PIWIL1: variants seen among roughly 807,000 people sequenced by gnomAD.
PIWIL1 encodes the protein piwi-like protein 1.
PIWIL1 carries 73 observed loss-of-function variants against 114.4 expected under a neutral mutation model. That is an observed-to-expected ratio of 0.64 (90% CI 0.53 to 0.78). The LOEUF (loss-of-function observed/expected upper bound fraction) is 0.78. Among genes scored for constraint, PIWIL1 ranks in the 30% least tolerant of loss-of-function variants. The pLI is 0.00. For missense variants in PIWIL1, 723 were observed against 1,063.1 expected (o/e 0.68, Z 4.45); for synonymous variants, 375 against 369.0 (o/e 1.02, Z -0.19).
chr12:130,401,746 A>G, the PIWIL1 span, among the ~76,000 whole-genome samples: 1 of 152,108 alleles, frequency 6.6e-6, no homozygotes, highest in African/African-American at 2.4e-5. Flanking sequence ...GAAGACACTC[A>G]AAAGTTATAA....
chr12:130,384,508 T>A, the PIWIL1 span, among the ~76,000 whole-genome samples: 1 of 152,192 alleles, frequency 6.6e-6, no homozygotes, highest in South Asian at 2.1e-4. Flanking sequence ...TACAAAATGA[T>A]GTTCACCCAT....
intron 19 of PIWIL1, among the ~76,000 whole-genome samples, chr12:130,368,682 G>A (rs551147908): frequency 4.6e-4 from 70 of 152,196 alleles, no homozygotes; most frequent in South Asian, 2.1e-3. Flanking sequence ...TATTCAAAAC[G>A]ACCCCCGATG....
chr12:130,392,041 TATTGAATGTTGTGATG>T, the PIWIL1 span, among the ~76,000 whole-genome samples: 1 of 150,722 alleles, frequency 6.6e-6, no homozygotes, highest in African/African-American at 2.4e-5. Context: ...ACCTGGTGAA[TATTGAATGTTGTGATG>T]ACCCGGTCAC....
the PIWIL1 span, chr12:130,422,520 C>T: frequency 6.2e-7 from 1 of 1,612,734 alleles, no homozygotes; most frequent in Non-Finnish European, 8.5e-7. This position sits in a 1 kb window ranked among gnomAD's most constrained non-coding sequence, Gnocchi z 5.2. Context: ...ACCTCCGGCC[C>T]ATGTGATCCA....
chr12:130,354,393 T>C (rs1170822096), intron 9 of PIWIL1, 144 bp from the exon 10 acceptor site: 1 of 1,062,484 alleles, frequency 9.4e-7, no homozygotes, highest in Non-Finnish European at 1.4e-6. Context: ...AAAAATGCCT[T>C]TTTAAAACTT....
chr12:130,424,156 C>G, the PIWIL1 span: 193 of 1,231,562 alleles, frequency 1.6e-4, 1 homozygote, highest in Admixed American at 1.6e-3. The surrounding 1 kb of genome is among the most constrained non-coding windows in gnomAD (Gnocchi z 9.8). Flanking sequence ...GGGCCTTGTG[C>G]GACTCTGGGA....
chr12:130,367,961 C>G (rs904464262), intron 19 of PIWIL1, among the ~76,000 whole-genome samples: 1 of 152,168 alleles, frequency 6.6e-6, no homozygotes, highest in Admixed American at 6.5e-5. Flanking sequence ...CCATGCCGAG[C>G]TAATTTTTGT....
At chr12:130,414,035 TA>T in the PIWIL1 span, 1 of 1,379,334 alleles carries the variant, frequency 7.2e-7, no homozygotes, top group Non-Finnish European at 1.0e-6. Flanking sequence ...AGGCCATCTC[TA>T]AGTCGATACC....
chr12:130,418,981 TG>T, the PIWIL1 span, among the ~76,000 whole-genome samples: 1 of 151,992 alleles, frequency 6.6e-6, no homozygotes, highest in South Asian at 2.1e-4. Flanking sequence ...AAGACAGGTG[TG>T]GGGTAGAGGT....
the PIWIL1 span, among the ~76,000 whole-genome samples, chr12:130,407,454 G>A: frequency 6.6e-6 from 1 of 152,194 alleles, no homozygotes; most frequent in Non-Finnish European, 1.5e-5. Context: ...ATTAGATGTG[G>A]ATGACAGATT....
At chr12:130,406,984 C>T in the PIWIL1 span, among the ~76,000 whole-genome samples, 1 of 152,172 alleles carries the variant, frequency 6.6e-6, no homozygotes, top group Non-Finnish European at 1.5e-5. Context: ...CGGGCTGCAG[C>T]CCCAAAGCAG....
At chr12:130,381,380 T>C in the PIWIL1 span, among the ~76,000 whole-genome samples, 2 of 152,324 alleles carry the variant, frequency 1.3e-5, no homozygotes, top group Admixed American at 6.5e-5. Context: ...ACTGTCTCCA[T>C]AGTTTTGCCT....
chr12:130,349,445 G>A lies in PIWIL1; in HGVS notation c.932+9G>A. ...TTAGTTGTTCTTACCAAGTAAGACT[G>A]CTTTTTAAAGTGCACAATAATTTTT... On this transcript the variant is annotated intron_variant, in intron 8 of 20. Coordinates refer to ENST00000245255, the MANE Select transcript of PIWIL1 (RefSeq NM_004764.5). The A allele has an allele frequency of 6.4e-7, 1 of 1,560,654 alleles. No homozygotes were observed. The highest frequency in any genetic ancestry group is 8.8e-7 in the Non-Finnish European group (1 of 1,133,576).
chr12:130,361,056 TA>T lies in PIWIL1; in HGVS notation c.1666-123del, dbSNP rs1354718257. On this transcript the variant is annotated intron_variant, in intron 14 of 20. Coordinates refer to ENST00000245255, the MANE Select transcript of PIWIL1 (RefSeq NM_004764.5). ...TGATTAGCTGTGTGGCTGAAATGAATAGTAAAATAAATGATCATGTTCTTGA... is the reference window on the plus strand; with the variant it reads ...TGATTAGCTGTGTGGCTGAAATGAATGTAAAATAAATGATCATGTTCTTGA... 22 of 754,234 alleles carry T rather than the reference TA, an allele frequency of 2.9e-5. No individual in the cohort carries two copies. The African/African-American group carries it at 3.0e-4, about 10-fold the overall frequency. The allele number at this position is 754,234 out of a possible 1,614,324, so 46.7% of individuals were successfully genotyped here.
At position 130,363,037 on chromosome 12, in the gene PIWIL1, G is replaced by T. The variant is rs2136182181; in HGVS notation, c.2088G>T (p.Arg696=). 1.2e-6 allele frequency: 2 copies of T among 1,614,232 alleles called. No homozygotes were observed. The highest frequency in any genetic ancestry group is 1.7e-6 in the Non-Finnish European group (2 of 1,180,050). ...WNSCNEYMPS[R]IIVYRDGVGD... The stretch of plus-strand genomic sequence containing the variant: ...GCTGCAATGAGTACATGCCCAGCCG[G>T]ATCATCGTGTACCGCGATGGCGTAG... The change falls in exon 18 of 21, where the codon CGG becomes CGT. Residue 696 remains arginine (R), a synonymous_variant. Transcript: ENST00000245255.
chr12:130,385,213 C>T, the PIWIL1 span, among the ~76,000 whole-genome samples: 1 of 152,346 alleles, frequency 6.6e-6, no homozygotes, highest in South Asian at 2.1e-4. Flanking sequence ...AGCCTGTCCA[C>T]AGTGCTGCAG....
At position 130,355,652 on chromosome 12, in the gene PIWIL1, C is replaced by T. The variant is rs1369757704; in HGVS notation, c.1389C>T (p.His463=). Residue 463 remains histidine, a synonymous_variant, in exon 12 of 21, where the codon CAC becomes CAT. Coordinates refer to ENST00000245255, the MANE Select transcript of PIWIL1 (RefSeq NM_004764.5). ...GAATTTTGCAAACAGAAAAGATTCA[C>T]CAAGGTGGAAAAACAGTAAGGCAGT... ...SGRILQTEKI[H]QGGKTFDYNP... 5 of 1,612,354 alleles carry T rather than the reference C, an allele frequency of 3.1e-6. No homozygotes were observed. The highest frequency in any genetic ancestry group is 4.2e-6 in the Non-Finnish European group (5 of 1,178,334).
intron 14 of PIWIL1, among the ~76,000 whole-genome samples, chr12:130,360,918 C>T (rs1411170118): frequency 6.6e-6 from 1 of 152,180 alleles, no homozygotes; most frequent in African/African-American, 2.4e-5. Flanking sequence ...TTTAAGTTCT[C>T]AAGTTTAAAC....
At chr12:130,342,449 T>A in intron 1 of PIWIL1, 131 bp from the exon 2 acceptor site, 3 of 634,784 alleles carry the variant, frequency 4.7e-6, no homozygotes. Flanking sequence ...TCATTAAAGA[T>A]TAGAAGGATA....
Sources: gnomAD v4.1 joint callset for allele counts (sites outside exome capture counted in the v4.1 genomes callset) on GRCh38, gnomAD v4.1.1 for gene constraint, Gnocchi (gnomAD v3.1) non-coding constraint, MANE v1.5 for transcripts, NCBI Gene and HGNC (gene_info 2026-07-23, HGNC 2026-07-21) for gene names.